Variants in TAFA1 observed in about 807,000 individuals in gnomAD.
TAFA1 encodes the protein TAFA chemokine like family member 1.
In TAFA1, 4 loss-of-function variants were observed where a neutral mutation model predicts 18.5. The ratio of observed to expected loss-of-function variants is 0.22; its 90% CI spans 0.11 to 0.49. The LOEUF is 0.49. TAFA1 is among the 20% of genes least tolerant of loss of function. The pLI is 0.98. For missense variants in TAFA1, 147 were observed against 169.0 expected, an observed-to-expected ratio of 0.87 and a Z score of 0.72; for synonymous variants, 56 against 55.2, an observed-to-expected ratio of 1.01 and a Z score of -0.06.
At chr3:68,034,235 T>G (rs1370578646) in intron 2 of TAFA1, among the ~76,000 whole-genome samples, 1 of 152,190 alleles carries the variant, frequency 6.6e-6, no homozygotes, top group African/African-American at 2.4e-5. Flanking sequence ...CTGGAATGCT[T>G]CCTTTACTTG....
intron 2 of TAFA1, among the ~76,000 whole-genome samples, chr3:68,395,617 T>C (rs920095778): frequency 6.6e-6 from 1 of 152,196 alleles, no homozygotes; most frequent in East Asian, 1.9e-4. Flanking sequence ...TATGGAATAC[T>C]ATGCAGCCAT....
At chr3:68,455,713 T>C (rs1163836562) in intron 3 of TAFA1, among the ~76,000 whole-genome samples, 1 of 152,156 alleles carries the variant, frequency 6.6e-6, no homozygotes, top group African/African-American at 2.4e-5. Flanking sequence ...GGCCCTGTCA[T>C]GAATTCTGTG....
intron 3 of TAFA1, among the ~76,000 whole-genome samples, chr3:68,532,984 G>C (rs935502133): frequency 6.6e-6 from 1 of 151,232 alleles, no homozygotes. Flanking sequence ...GGGAAAAAGA[G>C]ACACCAGTCA....
At chr3:68,041,062 T>TACAAA in intron 2 of TAFA1, among the ~76,000 whole-genome samples, 1 of 152,198 alleles carries the variant, frequency 6.6e-6, no homozygotes, top group African/African-American at 2.4e-5. Context: ...CAAAGATTAT[T>TACAAA]GCAAATGTAC....
At chr3:68,521,903 A>G in intron 3 of TAFA1, among the ~76,000 whole-genome samples, 1 of 108,670 alleles carries the variant, frequency 9.2e-6, no homozygotes, top group Non-Finnish European at 1.7e-5. Flanking sequence ...TCTGTTACGT[A>G]GGCTGAAGTG....
At chr3:68,257,487 G>T (rs1301789603) in intron 2 of TAFA1, among the ~76,000 whole-genome samples, 1 of 151,266 alleles carries the variant, frequency 6.6e-6, no homozygotes. Context: ...GATGTGGTTG[G>T]TGCTTAATTA....
chr3:68,193,552 G>A (rs1386493786), intron 2 of TAFA1, among the ~76,000 whole-genome samples: 1 of 151,744 alleles, frequency 6.6e-6, no homozygotes, highest in East Asian at 2.0e-4. Flanking sequence ...ACAGAGAATT[G>A]AACACAGTTT....
chr3:68,503,279 G>A (rs1401644211), intron 3 of TAFA1, among the ~76,000 whole-genome samples: 1 of 152,110 alleles, frequency 6.6e-6, no homozygotes, highest in Non-Finnish European at 1.5e-5. Context: ...CATCCCCACA[G>A]TATCTCATTA....
At chr3:68,021,002 A>T (rs1489129738) in intron 2 of TAFA1, among the ~76,000 whole-genome samples, 2 of 152,044 alleles carry the variant, frequency 1.3e-5, no homozygotes, top group South Asian at 4.2e-4. Context: ...CCTGGCCAAC[A>T]TGGTGAAACC....
At chr3:68,524,528 C>A (rs1314294911) in intron 3 of TAFA1, among the ~76,000 whole-genome samples, 1 of 152,034 alleles carries the variant, frequency 6.6e-6, no homozygotes, top group Admixed American at 6.5e-5. Flanking sequence ...AAAATAAAAT[C>A]AAAATGAATT....
At chr3:68,055,051 G>C (rs2064516778) in intron 2 of TAFA1, among the ~76,000 whole-genome samples, 1 of 152,024 alleles carries the variant, frequency 6.6e-6, no homozygotes, top group Non-Finnish European at 1.5e-5. Context: ...TTTGGTGGAG[G>C]CATCTTATTT....
At chr3:68,042,120 C>T (rs1705177051) in intron 2 of TAFA1, among the ~76,000 whole-genome samples, 1 of 152,194 alleles carries the variant, frequency 6.6e-6, no homozygotes, top group Non-Finnish European at 1.5e-5. Flanking sequence ...GACCTCCATT[C>T]TTCATAGACT....
At position 68,495,007 on chromosome 3, in the gene TAFA1, C is replaced by CAAAAG. The variant is rs547370273; in HGVS notation, c.260-43729_260-43725dup. ...GATTAAGAGACAACTAGAGTAAAAA[C>CAAAAG]AAAAGAAAAGAAAAGAAAAGAAAAC... On this transcript the variant is annotated intron_variant, in intron 3 of 4. Transcript: ENST00000478136. Among the ~76,000 whole-genome samples the CAAAAG allele has an allele frequency of 7.4e-4, 113 of 151,950 alleles. 1 individual carries two copies. The highest frequency in any genetic ancestry group is 3.3e-3 in the East Asian group (17 of 5,170).
Position 68,544,478 on chromosome 3 carries a change from G to C in TAFA1, c.385-8G>C, listed in dbSNP as rs758383478. 3.1e-6 allele frequency: 5 copies of C among 1,611,668 alleles called. No individual in the cohort carries two copies. The highest frequency in any genetic ancestry group is 4.2e-6 in the Non-Finnish European group (5 of 1,178,600). The stretch of plus-strand genomic sequence containing the variant: ...CTCCCTGAAATGTCTGTCTTTCTTT[G>C]GTTTCAGATTCACCCAAGAACCTAA... On this transcript the variant is annotated splice_region_variant and splice_polypyrimidine_tract_variant and intron_variant, in intron 4 of 4. Transcript: ENST00000478136.
chr3:68,365,786 C>T (rs922013719), intron 2 of TAFA1, among the ~76,000 whole-genome samples: 1 of 152,032 alleles, frequency 6.6e-6, no homozygotes, highest in African/African-American at 2.4e-5. Flanking sequence ...AGGGGTTTCC[C>T]CTTATAAAAC....
chr3:68,478,985 C>T (rs1239141965), intron 3 of TAFA1, among the ~76,000 whole-genome samples: 1 of 150,050 alleles, frequency 6.7e-6, no homozygotes, highest in Non-Finnish European at 1.5e-5. Flanking sequence ...CTGTAATCAG[C>T]ACTTTAGGAG....
At chr3:68,420,910 A>G (rs570815811) in intron 3 of TAFA1, among the ~76,000 whole-genome samples, 1 of 152,288 alleles carries the variant, frequency 6.6e-6, no homozygotes, top group African/African-American at 2.4e-5. Context: ...CTCTCTCTTA[A>G]AGAAGAAACT....
At chr3:68,034,484 G>A (rs1365979788) in intron 2 of TAFA1, among the ~76,000 whole-genome samples, 2 of 152,178 alleles carry the variant, frequency 1.3e-5, no homozygotes, top group African/African-American at 4.8e-5. Flanking sequence ...AAGGGAGAAG[G>A]ATTTGAGCCC....
In TAFA1 at chr3:68,388,954, C is replaced by G. The variant is rs561397942; in HGVS notation, c.119-28326C>G. Reference sequence around the variant, plus strand: ...AGTTGTAATTTTCACTTAATTTATACTTTTTGAGTGAACTTTTTGTTTTAC... The same window carrying G: ...AGTTGTAATTTTCACTTAATTTATAGTTTTTGAGTGAACTTTTTGTTTTAC... On this transcript the variant is annotated intron_variant, in intron 2 of 4. Transcript: ENST00000478136. 9.2e-5 allele frequency among the ~76,000 whole-genome samples: 14 copies of G among 152,196 alleles called. No homozygotes were observed. The East Asian group carries it at 2.5e-3, about 27-fold the overall frequency.
Sources: gnomAD v4.1 joint callset for allele counts (sites outside exome capture counted in the v4.1 genomes callset) on GRCh38, gnomAD v4.1.1 for gene constraint, MANE v1.5 for transcripts, NCBI Gene and HGNC (gene_info 2026-07-23, HGNC 2026-07-21) for gene names.